The following PTPRD variants were observed in gnomAD, a reference collection of about 807,000 sequenced individuals.
PTPRD encodes the protein receptor-type tyrosine-protein phosphatase delta.
PTPRD carries 34 observed loss-of-function variants against 214.5 expected under a neutral mutation model. That is an observed-to-expected ratio of 0.16 (90% CI 0.12 to 0.21). The LOEUF is 0.21. PTPRD is among the 10% of genes least tolerant of loss of function. The pLI, the probability that PTPRD is intolerant of heterozygous loss-of-function variation, is 1.00. For synonymous variants in PTPRD, 1,128 were observed against 845.7 expected (o/e 1.33, Z -5.79); for missense variants, 2,545 against 2,398.7 (o/e 1.06, Z -1.27).
intron 11 of PTPRD, among the ~76,000 whole-genome samples, chr9:8,866,325 T>C (rs1353126586): frequency 6.6e-6 from 1 of 152,186 alleles, no homozygotes; most frequent in East Asian, 1.9e-4. Flanking sequence ...GATCATGTTT[T>C]CTTTCCTTTT....
chr9:9,818,684 G>A lies in PTPRD; in HGVS notation c.-367-51833C>T, dbSNP rs190604881. 3.6e-3 allele frequency among the ~76,000 whole-genome samples: 542 copies of A among 152,076 alleles called. 13 individuals carry two copies. Among genetic ancestry groups the A allele is most frequent in the Admixed American group, 0.033 (504 of 15,276 alleles). ...TGTAATCCCAGCACTTTGGGAGGCC[G>A]AGATGGGTGGACCACGAGGTCAGGA... is the stretch of plus-strand genomic sequence containing the variant. On this transcript the variant is annotated intron_variant, in intron 5 of 45. Coordinates refer to ENST00000381196, the MANE Select transcript of PTPRD (RefSeq NM_002839.4).
intron 12 of PTPRD, among the ~76,000 whole-genome samples, chr9:8,694,457 C>T (rs2097866137): frequency 6.6e-6 from 1 of 152,016 alleles, no homozygotes; most frequent in South Asian, 2.1e-4. Flanking sequence ...ATCGGTCCCA[C>T]TGAAATAGAA....
chr9:10,191,003 G>C (rs1217720651), intron 3 of PTPRD, among the ~76,000 whole-genome samples: 1 of 152,068 alleles, frequency 6.6e-6, no homozygotes, highest in Admixed American at 6.6e-5. Context: ...CAAGTTGCCA[G>C]AGGAGATTGG....
intron 11 of PTPRD, among the ~76,000 whole-genome samples, chr9:8,744,305 C>T (rs1438208509): frequency 6.6e-6 from 1 of 152,068 alleles, no homozygotes; most frequent in Non-Finnish European, 1.5e-5. Flanking sequence ...TAAGTATCTA[C>T]CTAGAAGAAA....
intron 18 of PTPRD, among the ~76,000 whole-genome samples, chr9:8,524,519 G>A (rs1297317820): frequency 2.0e-5 from 3 of 152,040 alleles, no homozygotes; most frequent in Non-Finnish European, 4.4e-5. Context: ...CTTTATGCTT[G>A]GAATTGCACA....
At chr9:9,038,545 T>C (rs2099629146) in intron 10 of PTPRD, among the ~76,000 whole-genome samples, 1 of 136,728 alleles carries the variant, frequency 7.3e-6, no homozygotes, top group African/African-American at 2.6e-5. Context: ...TCAATGTTTG[T>C]GATAACGGTT....
chr9:9,891,405 T>C (rs979749856), intron 5 of PTPRD, among the ~76,000 whole-genome samples: 6 of 151,972 alleles, frequency 3.9e-5, no homozygotes, highest in African/African-American at 1.2e-4. Context: ...AGAAGTATCA[T>C]TCTGCGAAAG....
At chr9:10,172,382 T>G (rs553281168) in intron 3 of PTPRD, among the ~76,000 whole-genome samples, 5 of 152,200 alleles carry the variant, frequency 3.3e-5, no homozygotes, top group Non-Finnish European at 7.3e-5. Context: ...TAAAGACAGT[T>G]AACAAAATAT....
chr9:10,246,020 T>G (rs971066838), intron 3 of PTPRD, among the ~76,000 whole-genome samples: 2 of 152,160 alleles, frequency 1.3e-5, no homozygotes, highest in Non-Finnish European at 2.9e-5. Flanking sequence ...AAATTTCCTA[T>G]TTTGTATTTC....
Position 9,415,358 on chromosome 9 carries a change from C to T in PTPRD, c.-236-17876G>A, listed in dbSNP as rs192822468. 1.3e-4 allele frequency among the ~76,000 whole-genome samples: 20 copies of T among 152,172 alleles called. No homozygotes were observed. The East Asian group carries it at 3.5e-3, about 26-fold the overall frequency. On this transcript the variant is annotated intron_variant, in intron 8 of 45. Coordinates refer to ENST00000381196, the MANE Select transcript of PTPRD (RefSeq NM_002839.4). The stretch of plus-strand genomic sequence containing the variant: ...GTGTGGTGGCATGTGTCTGTAATCC[C>T]AGCTACTTGGGAGGCTGAGGCACAA...
intron 11 of PTPRD, among the ~76,000 whole-genome samples, chr9:8,848,313 C>CTCTTTTTTT (rs1338928285): frequency 1.2e-4 from 16 of 132,674 alleles, no homozygotes; most frequent in African/African-American, 3.6e-4. Flanking sequence ...AAGATTTTTC[C>CTCTTTTTTT]TTTTTTTTTT....
chr9:8,425,664 T>A (rs572975483), intron 35 of PTPRD, among the ~76,000 whole-genome samples: 7 of 145,532 alleles, frequency 4.8e-5, no homozygotes, highest in Non-Finnish European at 1.1e-4. Context: ...TTGTTTTGTT[T>A]TTTTGTTTTT....
At chr9:9,051,762 T>G (rs16928817) in intron 10 of PTPRD, among the ~76,000 whole-genome samples, 7,422 of 152,256 alleles carry the variant, frequency 0.049, 540 homozygotes, top group African/African-American at 0.16. Context: ...GGCTTTAGGT[T>G]TTTATTTCAC....
At chr9:10,320,659 CTT>C in intron 3 of PTPRD, among the ~76,000 whole-genome samples, 1 of 152,076 alleles carries the variant, frequency 6.6e-6, no homozygotes, top group Middle Eastern at 3.4e-3. Flanking sequence ...ATTGTTTTCT[CTT>C]TATCAGTTCT....
At chr9:8,425,458 A>G (rs2094599692) in intron 35 of PTPRD, among the ~76,000 whole-genome samples, 1 of 152,148 alleles carries the variant, frequency 6.6e-6, no homozygotes, top group Non-Finnish European at 1.5e-5. Context: ...CTGAGCTGCA[A>G]TGACAGTCAC....
chr9:10,524,652 T>G (rs2053649855), intron 2 of PTPRD, among the ~76,000 whole-genome samples: 1 of 152,070 alleles, frequency 6.6e-6, no homozygotes, highest in East Asian at 1.9e-4. Flanking sequence ...TCTTCAGCAT[T>G]TGGATTCAGC....
Position 10,612,384 on chromosome 9 carries a change from C to T in PTPRD, c.-600+14G>A, listed in dbSNP as rs2081281801. 2 of 152,072 alleles carry T rather than the reference C, an allele frequency of 1.3e-5. No individual in the cohort carries two copies. The highest frequency in any genetic ancestry group is 1.3e-4 in the Admixed American group (2 of 15,284). 9.4% of individuals were successfully genotyped at this position (152,072 alleles called of 1,614,324 possible). On this transcript the variant is annotated intron_variant, in intron 2 of 45. Transcript: ENST00000381196. ...ACTTTAGAGAAAAGAAAGACAGAAG[C>T]ACAGTTTACTTACTAAAGCAGCCGC... is the stretch of plus-strand genomic sequence containing the variant.
rs10978126 is a variant in PTPRD, at chr9:9,947,383, T to A, written c.-471-8773A>T. The stretch of plus-strand genomic sequence containing the variant: ...ATATATTATATATATATTATATATA[T>A]TTTATATACATATTATATATAATAT... On this transcript the variant is annotated intron_variant, in intron 4 of 45. Coordinates refer to ENST00000381196, the MANE Select transcript of PTPRD (RefSeq NM_002839.4). Among the ~76,000 whole-genome samples, 14 of 46,860 alleles carry A rather than the reference T, an allele frequency of 3.0e-4. 1 individual carries two copies. Among genetic ancestry groups the A allele is most frequent in the East Asian group, 2.2e-3 (1 of 464 alleles). 30.7% of individuals were successfully genotyped at this position (46,860 alleles called of 152,430 possible). A position where few individuals can be genotyped will look rare whatever the true frequency, so the allele number is the denominator to read the frequency against.
chr9:10,075,240 C>A (rs146735858), intron 3 of PTPRD, among the ~76,000 whole-genome samples: 1 of 151,854 alleles, frequency 6.6e-6, no homozygotes, highest in African/African-American at 2.4e-5. Context: ...AAAATGAGAC[C>A]CCCCGAAGGT....
Sources: gnomAD v4.1 joint callset for allele counts (sites outside exome capture counted in the v4.1 genomes callset) on GRCh38, gnomAD v4.1.1 for gene constraint, MANE v1.5 for transcripts, NCBI Gene and HGNC (gene_info 2026-07-23, HGNC 2026-07-21) for gene names.